Variants in GEMIN5 observed in about 807,000 individuals in gnomAD.
GEMIN5 encodes gem nuclear organelle associated protein 5, also known as gem-associated protein 5.
In GEMIN5, 124 loss-of-function variants were observed where a neutral mutation model predicts 176.9. The observed-to-expected ratio is 0.70, with a 90% confidence interval of 0.61 to 0.81. The LOEUF is 0.81. Among genes scored for constraint, GEMIN5 ranks in the 40% least tolerant of loss-of-function variants. The pLI is 0.00. For missense variants in GEMIN5, 1,843 were observed against 1,814.6 expected, an observed-to-expected ratio of 1.02 and a Z score of -0.28; for synonymous variants, 673 against 665.2, an observed-to-expected ratio of 1.01 and a Z score of -0.18.
intron 20 of GEMIN5, 119 bp from the exon 21 acceptor site, chr5:154,901,605 T>C: frequency 1.3e-6 from 1 of 766,888 alleles, no homozygotes; most frequent in Non-Finnish European, 2.2e-6. Context: ...AACATTTAGA[T>C]ACCAATTCAG....
Position 154,904,594 on chromosome 5 carries a change from G to A in GEMIN5, c.2545C>T (p.Leu849Phe), listed in dbSNP as rs1389823633. 1 of 1,611,766 alleles carries A rather than the reference G, an allele frequency of 6.2e-7. No individual in the cohort carries two copies. The highest frequency in any genetic ancestry group is 1.3e-5 in the African/African-American group (1 of 74,990). ...LIKKRKARSL[L>F]PLSTSLDHRS... ...TGGTCCAGGCTTGTACTCAGGGGAAGCAAGGAACGAGCTTTTCTCTTCTTG... is the reference window on the plus strand; with the variant it reads ...TGGTCCAGGCTTGTACTCAGGGGAAACAAGGAACGAGCTTTTCTCTTCTTG... Residue 849 changes from leucine (L) to phenylalanine (F), a missense_variant, in exon 18 of 28, where the codon CTT becomes TTT. Physicochemically the swap from Leu to Phe is conservative, Grantham distance 22. Transcript: ENST00000285873.
intron 22 of GEMIN5, among the ~76,000 whole-genome samples, chr5:154,898,954 T>C (rs1040725059): frequency 1.3e-5 from 2 of 152,164 alleles, no homozygotes; most frequent in Non-Finnish European, 2.9e-5. Context: ...ATTAGAAAAA[T>C]GCATAATTTC....
At chr5:154,908,367 G>C (rs1028677304) in intron 15 of GEMIN5, among the ~76,000 whole-genome samples, 1 of 151,962 alleles carries the variant, frequency 6.6e-6, no homozygotes, top group Non-Finnish European at 1.5e-5. Flanking sequence ...TTTCAGTAGA[G>C]ACGGGGTTTC....
At chr5:154,923,590 T>C (rs190808911) in intron 9 of GEMIN5, among the ~76,000 whole-genome samples, 15 of 152,320 alleles carry the variant, frequency 9.8e-5, no homozygotes, top group Admixed American at 2.6e-4. Flanking sequence ...CCAATAAAAT[T>C]TCACTTACAG....
In GEMIN5 at chr5:154,911,820, G is replaced by A. The variant is rs773517222; in HGVS notation, c.2074C>T (p.Pro692Ser). ...GAATAGATGCAGTCTGGATCCAAAG[G>A]AGACCATGCCACACAAAGCAGTCGA... ...RGRLLCVAWS[P>S]LDPDCIYSGA... Residue 692 changes from proline to serine, a missense_variant, in exon 15 of 28, where the codon CCT becomes TCT. Pro to Ser is a moderately conservative substitution (Grantham distance 74). Coordinates refer to ENST00000285873, the MANE Select transcript of GEMIN5 (RefSeq NM_015465.5). 29 of 1,613,846 alleles carry A rather than the reference G, an allele frequency of 1.8e-5. No individual in the cohort carries two copies. The highest frequency in any genetic ancestry group is 4.0e-5 in the African/African-American group (3 of 74,908).
intron 13 of GEMIN5, among the ~76,000 whole-genome samples, chr5:154,915,555 A>T (rs1763793349): frequency 6.6e-6 from 1 of 152,226 alleles, no homozygotes; most frequent in Non-Finnish European, 1.5e-5. Context: ...TTGCTAGAAC[A>T]CATACAGACA....
intron 5 of GEMIN5, among the ~76,000 whole-genome samples, chr5:154,928,941 T>TC (rs1258208224): frequency 1.3e-5 from 2 of 152,058 alleles, no homozygotes; most frequent in African/African-American, 4.8e-5. Context: ...TTTTTTTTTT[T>TC]GGCCGGGCGC....
chr5:154,917,263 C>T (rs1763832935), intron 12 of GEMIN5, 84 bp from the exon 13 acceptor site: 1 of 690,978 alleles, frequency 1.4e-6, no homozygotes, highest in Non-Finnish European at 2.3e-6. Context: ...CTCATTCCGT[C>T]AGTCAAGGAA....
At chr5:154,912,473 A>T (rs1419274452) in intron 14 of GEMIN5, among the ~76,000 whole-genome samples, 1 of 152,192 alleles carries the variant, frequency 6.6e-6, no homozygotes, top group Non-Finnish European at 1.5e-5. Flanking sequence ...CCTCCCTCAT[A>T]GATCTGGCTT....
At chr5:154,907,842 T>A (rs1273602854) in intron 15 of GEMIN5, 24 bp from the exon 16 acceptor site, 2 of 1,545,626 alleles carry the variant, frequency 1.3e-6, no homozygotes, top group African/African-American at 1.4e-5. Flanking sequence ...AATAAAGGAC[T>A]GACTAAAGTA....
chr5:154,891,571 G>C lies in GEMIN5; in HGVS notation c.3932C>G (p.Ser1311Cys). ...GTCTAACTGCTGGCTTGGCTCAACA[G>C]AGAGTGTTCTGTGACCAGCCCTTAC... ...VWVRAGHRTL[S>C]VEPSQQLDTA... Residue 1311 changes from serine to cysteine, a missense_variant, in exon 26 of 28, where the codon TCT becomes TGT. Physicochemically the swap from Ser to Cys is moderately radical, Grantham distance 112. Coordinates refer to ENST00000285873, the MANE Select transcript of GEMIN5 (RefSeq NM_015465.5). 6.2e-7 allele frequency: 1 copy of C among 1,614,172 alleles called. No homozygotes were observed. The highest frequency in any genetic ancestry group is 2.2e-5 in the East Asian group (1 of 44,874).
chr5:154,908,654 T>A (rs139368576), intron 15 of GEMIN5, among the ~76,000 whole-genome samples: 3 of 152,182 alleles, frequency 2.0e-5, no homozygotes, highest in Non-Finnish European at 4.4e-5. Context: ...CCAATTTCCC[T>A]CAATTTAGGT....
Position 154,927,425 on chromosome 5 carries a change from T to C in GEMIN5, c.1040A>G (p.Asp347Gly). The C allele has an allele frequency of 6.3e-7, 1 of 1,592,344 alleles. No homozygotes were observed. The highest frequency in any genetic ancestry group is 1.7e-5 in the Admixed American group (1 of 59,988). The part of the protein sequence containing the change: ...VFNLCPLQTE[D>G]DKQLLLSTSM... ...TGTAGAAAGTAATAGCTGTTTGTCA[T>C]CCTCTGTTTGTAAAGGACATAAATT... Residue 347 changes from aspartate (D) to glycine (G), a missense_variant, in exon 7 of 28, where the codon GAT (aspartate) becomes GGT (glycine). Transcript: ENST00000285873.
Position 154,937,955 on chromosome 5 carries a change from G to C in GEMIN5, c.166+13C>G. The C allele has an allele frequency of 6.4e-7, 1 of 1,565,750 alleles. No homozygotes were observed. The highest frequency in any genetic ancestry group is 8.6e-7 in the Non-Finnish European group (1 of 1,158,604). ...AAGGGCAGTAAGTCTCGGGCCCAAG[G>C]GTGGTGAGTTACCTCGAAACGGGGG... On this transcript the variant is annotated intron_variant, in intron 1 of 27. Coordinates refer to ENST00000285873, the MANE Select transcript of GEMIN5 (RefSeq NM_015465.5).
chr5:154,937,203 C>A lies in GEMIN5; in HGVS notation c.167-18G>T. On this transcript the variant is annotated intron_variant, in intron 1 of 27. Coordinates refer to ENST00000285873, the MANE Select transcript of GEMIN5 (RefSeq NM_015465.5). ...TCCTATGACTTTAAGCAAAACCAGA[C>A]GCTAGGTTAATCGAAGTGCTATCCA... is the stretch of plus-strand genomic sequence containing the variant. The A allele has an allele frequency of 6.3e-7, 1 of 1,576,130 alleles. No homozygotes were observed. Among genetic ancestry groups the A allele is most frequent in the Non-Finnish European group, 8.7e-7 (1 of 1,155,740 alleles).
rs1177333001 is a variant in GEMIN5, at chr5:154,898,714, G to A, written c.3135-64C>T. ...CAGATTTTTATTCCCATTCCTAGAGGATGGAATCATTTCTTTCTATCTACT... is the reference window on the plus strand; with the variant it reads ...CAGATTTTTATTCCCATTCCTAGAGAATGGAATCATTTCTTTCTATCTACT... On this transcript the variant is annotated intron_variant, in intron 22 of 27. Coordinates refer to ENST00000285873, the MANE Select transcript of GEMIN5 (RefSeq NM_015465.5). 1.3e-5 allele frequency: 16 copies of A among 1,277,858 alleles called. No homozygotes were observed. In the East Asian group the frequency reaches 3.8e-4, roughly 30 times the overall value. 79.2% of individuals were successfully genotyped at this position (1,277,858 alleles called of 1,614,324 possible).
Position 154,896,126 on chromosome 5 carries a change from T to C in GEMIN5, c.3563A>G (p.Tyr1188Cys). The C allele has an allele frequency of 6.2e-7, 1 of 1,613,866 alleles. No individual in the cohort carries two copies. The highest frequency in any genetic ancestry group is 8.5e-7 in the Non-Finnish European group (1 of 1,179,900). The part of the protein sequence containing the change: ...EAFQKLQNIK[Y>C]PSATNNTPAK... ...AGGTGTGTTATTTGTAGCAGATGGGTACTTGATGTTCTGCAGCTTCTGAAA... is the reference window on the plus strand; with the variant it reads ...AGGTGTGTTATTTGTAGCAGATGGGCACTTGATGTTCTGCAGCTTCTGAAA... The change falls in exon 24 of 28, where the codon TAC becomes TGC. Residue 1188 changes from tyrosine (Y) to cysteine (C), a missense_variant. Coordinates refer to ENST00000285873, the MANE Select transcript of GEMIN5 (RefSeq NM_015465.5).
At position 154,911,869 on chromosome 5, in the gene GEMIN5, C is replaced by G. The variant is rs145213403; in HGVS notation, c.2025G>C (p.Leu675=). Residue 675 remains leucine, a synonymous_variant, in exon 15 of 28, where the codon CTG becomes CTC. Transcript: ENST00000285873. ...QVWDALREEP[L]CNFRGHRGRL... ...GACCTCGATGTCCTCGGAAATTGCA[C>G]AGGGGCTCTTCCCGGAGAGCATCCC... is the stretch of plus-strand genomic sequence containing the variant. 1,354 of 1,614,002 alleles carry G rather than the reference C, an allele frequency of 8.4e-4. 1 individual carries two copies. Among genetic ancestry groups the G allele is most frequent in the Non-Finnish European group, 1.1e-3 (1,300 of 1,179,988 alleles).
At position 154,938,153 on chromosome 5, in the gene GEMIN5, CAAGAG is replaced by C. The variant is rs771654774; in HGVS notation, c.-25_-21del. ...CCCCATAACTACAAGCCGTCAGAGA[CAAGAG>C]AAGCTGCCACAGCCGACCGCTCGTA... is the stretch of plus-strand genomic sequence containing the variant. On this transcript the variant is annotated 5_prime_UTR_variant, in exon 1 of 28. Coordinates refer to ENST00000285873, the MANE Select transcript of GEMIN5 (RefSeq NM_015465.5). 7.4e-7 allele frequency: 1 copy of C among 1,355,604 alleles called. No homozygotes were observed. Among genetic ancestry groups the C allele is most frequent in the Non-Finnish European group, 9.6e-7 (1 of 1,047,004 alleles). The allele number at this position is 1,355,604 out of a possible 1,614,324, so 84.0% of individuals were successfully genotyped here. A position where few individuals can be genotyped will look rare whatever the true frequency, so the allele number is the denominator to read the frequency against.
Sources: gnomAD v4.1 joint callset for allele counts (sites outside exome capture counted in the v4.1 genomes callset) on GRCh38, gnomAD v4.1.1 for gene constraint, MANE v1.5 for transcripts, NCBI Gene and HGNC (gene_info 2026-07-23, HGNC 2026-07-21) for gene names.